The following TCF20 variants were observed in gnomAD, a reference collection of about 807,000 sequenced individuals.
TCF20 encodes the protein SPRE-binding protein.
In TCF20, 3 loss-of-function variants were observed where a neutral mutation model predicts 148.6. The observed-to-expected ratio is 0.02, with a 90% CI of 0.01 to 0.05. The LOEUF is 0.05. TCF20 is among the 10% of genes least tolerant of loss of function. The pLI, the probability that TCF20 is intolerant of heterozygous loss-of-function variation, is 1.00. For missense variants in TCF20, 2,350 were observed against 2,429.3 expected (o/e 0.97, Z 0.69); for synonymous variants, 1,049 against 909.5 (o/e 1.15, Z -2.76).
intron 1 of TCF20, among the ~76,000 whole-genome samples, chr22:42,248,804 A>T (rs953217518): frequency 6.6e-6 from 1 of 152,240 alleles, no homozygotes; most frequent in African/African-American, 2.4e-5. Flanking sequence ...TGGAACTATG[A>T]CCTTGCTATT....
At chr22:42,339,786 C>G (rs940958005) in intron 1 of TCF20, among the ~76,000 whole-genome samples, 1 of 152,238 alleles carries the variant, frequency 6.6e-6, no homozygotes, top group African/African-American at 2.4e-5. Context: ...AGGCACTTGG[C>G]CAGCCAGGTG....
intron 1 of TCF20, among the ~76,000 whole-genome samples, chr22:42,296,797 G>T (rs1927245485): frequency 6.6e-6 from 1 of 152,258 alleles, no homozygotes; most frequent in South Asian, 2.1e-4. Flanking sequence ...GCTGCAGGGG[G>T]ACCCAGGAGG....
chr22:42,303,185 C>T lies in TCF20; in HGVS notation c.-37+40294G>A, dbSNP rs559831688. On this transcript the variant is annotated intron_variant, in intron 1 of 1. Coordinates refer to the TCF20 transcript ENST00000515426. ...CCTCATGTGATCTACCTGCCTTGGC[C>T]TTCCAAAGTGCTGGGATTACAGGCG... Among the ~76,000 whole-genome samples the T allele has an allele frequency of 1.1e-4, 16 of 152,360 alleles. 1 individual carries two copies. The South Asian group carries it at 3.3e-3, about 32-fold the overall frequency.
Position 42,161,338 on chromosome 22 carries a change from T to C in TCF20, c.*65A>G, listed in dbSNP as rs775710887. On this transcript the variant is annotated 3_prime_UTR_variant, in exon 6 of 6. Coordinates refer to ENST00000677622, the MANE Select transcript of TCF20 (RefSeq NM_001378418.1). ...CATTCCATCACGAGTGTCCACCACCTTCTCATCTCCACAGTCTCACCTGGA... is the reference window on the plus strand; with the variant it reads ...CATTCCATCACGAGTGTCCACCACCCTCTCATCTCCACAGTCTCACCTGGA... 3 of 1,614,082 alleles carry C rather than the reference T, an allele frequency of 1.9e-6. No individual in the cohort carries two copies. Among genetic ancestry groups the C allele is most frequent in the Non-Finnish European group, 8.5e-7 (1 of 1,179,998 alleles).
Position 42,161,243 on chromosome 22 carries a change from G to A in TCF20, c.*160C>T. 6.7e-7 allele frequency: 1 copy of A among 1,502,562 alleles called. No individual in the cohort carries two copies. The allele number at this position is 1,502,562 out of a possible 1,614,324, so 93.1% of individuals were successfully genotyped here. A position where few individuals can be genotyped will look rare whatever the true frequency, so the allele number is the denominator to read the frequency against. On this transcript the variant is annotated 3_prime_UTR_variant, in exon 6 of 6. Coordinates refer to ENST00000677622, the MANE Select transcript of TCF20 (RefSeq NM_001378418.1). The stretch of plus-strand genomic sequence containing the variant: ...TGATGTGAGAACTTAAGGAAGTGCT[G>A]GCATGGGCAGGCACGCGGGCGGGGC...
chr22:42,342,426 G>C (rs973040639), intron 1 of TCF20, among the ~76,000 whole-genome samples: 23 of 152,156 alleles, frequency 1.5e-4, no homozygotes, highest in African/African-American at 4.3e-4. Flanking sequence ...CTTGTGAGCC[G>C]GGGAAGGCCC....
At chr22:42,289,677 G>A (rs759550860) in intron 1 of TCF20, among the ~76,000 whole-genome samples, 33 of 152,160 alleles carry the variant, frequency 2.2e-4, no homozygotes, top group Non-Finnish European at 3.5e-4. Flanking sequence ...TGAGAGAGGC[G>A]TCAGATGGGC....
In TCF20 at chr22:42,213,432, T is replaced by G. The variant is rs1175452016; in HGVS notation, c.1874A>C (p.Lys625Thr). 1 of 1,614,162 alleles carries G rather than the reference T, an allele frequency of 6.2e-7. No individual in the cohort carries two copies. The highest frequency in any genetic ancestry group is 1.7e-5 in the Admixed American group (1 of 60,022). ...GRVEKPGGQDKGSQEDDPAAT... is the reference protein window; with the variant it reads ...GRVEKPGGQDTGSQEDDPAAT... Reference sequence around the variant, plus strand: ...TGCAGGATCATCCTCTTGGGAGCCTTTATCTTGTCCACCAGGCTTTTCTAC... The same window carrying G: ...TGCAGGATCATCCTCTTGGGAGCCTGTATCTTGTCCACCAGGCTTTTCTAC... The change falls in exon 2 of 6, where the codon AAA (lysine) becomes ACA (threonine). Residue 625 changes from lysine to threonine, a missense_variant. Lys to Thr is a moderately conservative substitution (Grantham distance 78, BLOSUM62 -1). This residue lies in a region of TCF20 where 1,641 missense variants were observed against 1,662.6 expected (regional missense o/e 0.99). Transcript: ENST00000677622.
At chr22:42,187,002 T>C (rs573402537) in intron 2 of TCF20, among the ~76,000 whole-genome samples, 1 of 152,318 alleles carries the variant, frequency 6.6e-6, no homozygotes, top group African/African-American at 2.4e-5. Flanking sequence ...GTGCCCTCTG[T>C]TATGTGGAGA....
chr22:42,205,409 T>C (rs527493618), intron 2 of TCF20, among the ~76,000 whole-genome samples: 1 of 151,596 alleles, frequency 6.6e-6, no homozygotes, highest in African/African-American at 2.4e-5. Flanking sequence ...TCTTGAGGAC[T>C]TCCCAATATT....
chr22:42,248,117 A>C (rs1362144364), intron 1 of TCF20, among the ~76,000 whole-genome samples: 1 of 152,202 alleles, frequency 6.6e-6, no homozygotes, highest in African/African-American at 2.4e-5. Context: ...ATACAAGACA[A>C]GACTGTCAGA....
chr22:42,313,749 G>A (rs1324908067), intron 1 of TCF20, among the ~76,000 whole-genome samples: 1 of 152,104 alleles, frequency 6.6e-6, no homozygotes, highest in East Asian at 1.9e-4. Context: ...ACACAAGTGT[G>A]CCACCACGCC....
chr22:42,331,373 C>A (rs1209245561), intron 1 of TCF20, among the ~76,000 whole-genome samples: 1 of 152,214 alleles, frequency 6.6e-6, no homozygotes, highest in African/African-American at 2.4e-5. Context: ...GCCTCAGAGG[C>A]CCTATCAGGG....
chr22:42,289,759 C>T (rs1046019696), intron 1 of TCF20, among the ~76,000 whole-genome samples: 3 of 152,182 alleles, frequency 2.0e-5, no homozygotes, highest in African/African-American at 7.2e-5. Flanking sequence ...GATGATCTGC[C>T]CACCTGAGGC....
chr22:42,203,310 C>G (rs1938166543), intron 2 of TCF20, among the ~76,000 whole-genome samples: 1 of 152,068 alleles, frequency 6.6e-6, no homozygotes, highest in South Asian at 2.1e-4. Context: ...CTTGCCCAGC[C>G]TTGGCCAAAG....
intron 1 of TCF20, among the ~76,000 whole-genome samples, chr22:42,324,077 T>A (rs868351672): frequency 4.2e-5 from 5 of 118,772 alleles, no homozygotes; most frequent in African/African-American, 6.5e-5. Flanking sequence ...GTTATGGTGG[T>A]GGTGGTGGTG....
intron 1 of TCF20, among the ~76,000 whole-genome samples, chr22:42,216,846 G>C (rs1921862771): frequency 6.6e-6 from 1 of 152,110 alleles, no homozygotes; most frequent in Non-Finnish European, 1.5e-5. Context: ...AATCAATCAA[G>C]CTGATTTTTT....
chr22:42,193,004 A>G (rs1937412434), intron 2 of TCF20, among the ~76,000 whole-genome samples: 1 of 152,214 alleles, frequency 6.6e-6, no homozygotes, highest in African/African-American at 2.4e-5. Context: ...CTGAATGGGA[A>G]GCATCCCAGG....
chr22:42,333,203 A>T (rs1316900452), intron 1 of TCF20, among the ~76,000 whole-genome samples: 2 of 151,910 alleles, frequency 1.3e-5, no homozygotes, highest in Non-Finnish European at 2.9e-5. Flanking sequence ...GTGCAGTGGC[A>T]GGAGCTGCCT....
Sources: gnomAD v4.1 joint callset for allele counts (sites outside exome capture counted in the v4.1 genomes callset) on GRCh38, gnomAD v4.1.1 for gene constraint, gnomAD v4.1.1 regional missense constraint, MANE v1.5 for transcripts, NCBI Gene and HGNC (gene_info 2026-07-23, HGNC 2026-07-21) for gene names.